C12orf42: variants seen among roughly 807,000 people sequenced by gnomAD.
C12orf42 encodes the protein uncharacterized protein C12orf42.
In C12orf42, 25 loss-of-function variants were observed where a neutral mutation model predicts 21.6. That is an observed-to-expected ratio of 1.16 (90% CI 0.84 to 1.62). C12orf42 has a LOEUF of 1.62. C12orf42 is among the 40% of genes most tolerant of loss of function. The pLI is 0.00. For missense variants in C12orf42, 483 were observed against 459.3 expected, an observed-to-expected ratio of 1.05 and a Z score of -0.47; for synonymous variants, 174 against 175.0, an observed-to-expected ratio of 0.99 and a Z score of 0.05.
intron 4 of C12orf42, among the ~76,000 whole-genome samples, chr12:103,356,416 G>A (rs2043559127): frequency 6.6e-6 from 1 of 152,132 alleles, no homozygotes; most frequent in African/African-American, 2.4e-5. Context: ...GCTTAATCCA[G>A]TCTATCATTG....
chr12:103,087,080 TTTTG>T, the C12orf42 span, among the ~76,000 whole-genome samples: 659 of 152,246 alleles, frequency 4.3e-3, 2 homozygotes, highest in African/African-American at 0.013. Context: ...TTCTCTAGTT[TTTTG>T]TTTGTTTGTT....
chr12:103,373,465 C>T (rs891316878), intron 3 of C12orf42, among the ~76,000 whole-genome samples: 5 of 152,162 alleles, frequency 3.3e-5, no homozygotes, highest in African/African-American at 9.7e-5. Flanking sequence ...TGTTTGCCTG[C>T]CAAGAACACT....
At chr12:103,437,521 GA>G (rs1394278075) in intron 2 of C12orf42, among the ~76,000 whole-genome samples, 2 of 151,648 alleles carry the variant, frequency 1.3e-5, no homozygotes, top group Non-Finnish European at 2.9e-5. Flanking sequence ...GGCTAATAAA[GA>G]AAAAAAGAGA....
intron 3 of C12orf42, among the ~76,000 whole-genome samples, chr12:103,395,158 T>C (rs1277353147): frequency 6.6e-6 from 1 of 152,232 alleles, no homozygotes. Flanking sequence ...TTTGTTGAAC[T>C]GGTCAATTGA....
chr12:103,076,297 T>A, the C12orf42 span, among the ~76,000 whole-genome samples: 3 of 152,012 alleles, frequency 2.0e-5, no homozygotes, highest in African/African-American at 7.3e-5. Context: ...GCCTTTTTTT[T>A]TTTTTTAAAT....
the C12orf42 span, among the ~76,000 whole-genome samples, chr12:103,053,789 TA>T: frequency 4.9e-4 from 74 of 152,052 alleles, no homozygotes; most frequent in South Asian, 1.2e-3. Flanking sequence ...ATGTGAGACT[TA>T]GATTGATTTT....
chr12:103,456,480 G>A (rs1410781109), intron 2 of C12orf42, among the ~76,000 whole-genome samples: 1 of 152,122 alleles, frequency 6.6e-6, no homozygotes, highest in African/African-American at 2.4e-5. Context: ...TTTGTCAAAA[G>A]TCAATACAAA....
At chr12:103,487,221 T>A (rs1027049713) in intron 1 of C12orf42, among the ~76,000 whole-genome samples, 2 of 152,222 alleles carry the variant, frequency 1.3e-5, no homozygotes, top group African/African-American at 4.8e-5. Context: ...TACCCAGTAG[T>A]CATTCAGGAG....
intron 1 of C12orf42, among the ~76,000 whole-genome samples, chr12:103,480,380 A>C (rs1356840772): frequency 6.6e-6 from 1 of 151,494 alleles, no homozygotes; most frequent in Non-Finnish European, 1.5e-5. Context: ...TAATTTTTTC[A>C]AAGCACAAAC....
At chr12:103,516,249 CAGAAAG>C in the C12orf42 span, among the ~76,000 whole-genome samples, 1 of 152,040 alleles carries the variant, frequency 6.6e-6, no homozygotes, top group Non-Finnish European at 1.5e-5. Flanking sequence ...AATGAACAAA[CAGAAAG>C]AGACAATTTT....
chr12:103,055,486 A>G, the C12orf42 span, among the ~76,000 whole-genome samples: 1 of 151,832 alleles, frequency 6.6e-6, no homozygotes, highest in Non-Finnish European at 1.5e-5. Flanking sequence ...CAATTTTATT[A>G]TCTTCCAAAG....
At chr12:103,523,909 C>T in the C12orf42 span, among the ~76,000 whole-genome samples, 2 of 151,994 alleles carry the variant, frequency 1.3e-5, no homozygotes, top group African/African-American at 2.4e-5. Flanking sequence ...AGGATGGAGG[C>T]CTGTGAGCCC....
chr12:103,341,339 C>T (rs376453711), intron 4 of C12orf42, among the ~76,000 whole-genome samples: 2 of 151,902 alleles, frequency 1.3e-5, no homozygotes, highest in African/African-American at 4.8e-5. Context: ...ATATCCTATC[C>T]TTGGTGACAC....
intron 2 of C12orf42, among the ~76,000 whole-genome samples, chr12:103,416,095 G>A (rs1270400844): frequency 1.3e-5 from 2 of 150,564 alleles, no homozygotes; most frequent in African/African-American, 2.4e-5. Flanking sequence ...TGTGCAACTT[G>A]TGCAACACAT....
intron 3 of C12orf42, among the ~76,000 whole-genome samples, chr12:103,393,388 C>G (rs1464084483): frequency 6.6e-6 from 1 of 152,090 alleles, no homozygotes; most frequent in African/African-American, 2.4e-5. Flanking sequence ...CGCACTATCA[C>G]AAGAACAGTA....
chr12:103,542,707 A>G, the C12orf42 span, among the ~76,000 whole-genome samples: 145 of 152,278 alleles, frequency 9.5e-4, no homozygotes, highest in Non-Finnish European at 1.7e-3. Context: ...CCCCTTCAAG[A>G]TTTTGCTTAT....
chr12:103,225,904 G>A, the C12orf42 span, among the ~76,000 whole-genome samples: 2 of 152,196 alleles, frequency 1.3e-5, no homozygotes, highest in African/African-American at 2.4e-5. Flanking sequence ...GTCCGTGTTG[G>A]TCTAAGGGGC....
the C12orf42 span, among the ~76,000 whole-genome samples, chr12:103,525,751 C>CT: frequency 2.0e-5 from 3 of 152,116 alleles, no homozygotes; most frequent in Non-Finnish European, 4.4e-5. Flanking sequence ...TCTGCCAGGC[C>CT]AGGCGCGGTG....
chr12:103,287,689 AAAACTT>A (rs1376790376), intron 4 of C12orf42, among the ~76,000 whole-genome samples: 2 of 151,710 alleles, frequency 1.3e-5, no homozygotes, highest in Non-Finnish European at 2.9e-5. Flanking sequence ...CATGTACCCT[AAAACTT>A]AAAGTATAAT....
Sources: gnomAD v4.1 joint callset for allele counts (sites outside exome capture counted in the v4.1 genomes callset) on GRCh38, gnomAD v4.1.1 for gene constraint, MANE v1.5 for transcripts, NCBI Gene and HGNC (gene_info 2026-07-23, HGNC 2026-07-21) for gene names.